Variants in PRKG1 observed in about 807,000 individuals in gnomAD.
PRKG1 encodes cGMP-dependent protein kinase 1.
Under a neutral mutation model 88.1 loss-of-function variants are expected in PRKG1, and 35 were observed. The observed-to-expected ratio is 0.40, with a 90% CI of 0.30 to 0.53. PRKG1 has a LOEUF of 0.53. PRKG1 is among the 20% of genes least tolerant of loss of function. PRKG1 has a pLI of 0.59. For missense variants in PRKG1, 540 were observed against 839.8 expected (o/e 0.64, Z 4.41); for synonymous variants, 303 against 292.5 (o/e 1.04, Z -0.37).
At chr10:51,106,420 A>C (rs1589156409) in intron 1 of PRKG1, among the ~76,000 whole-genome samples, 2 of 152,168 alleles carry the variant, frequency 1.3e-5, no homozygotes, top group Non-Finnish European at 2.9e-5. Context: ...CGTGAGGAAG[A>C]ATTCTTTTTT....
chr10:51,047,493 A>G (rs1843504897), intron 1 of PRKG1, among the ~76,000 whole-genome samples: 1 of 152,090 alleles, frequency 6.6e-6, no homozygotes, highest in African/African-American at 2.4e-5. Context: ...GAGAGATGGA[A>G]TGTTGATCCA....
At chr10:51,454,707 T>C (rs1239540281) in intron 2 of PRKG1, among the ~76,000 whole-genome samples, 3 of 152,170 alleles carry the variant, frequency 2.0e-5, no homozygotes, top group African/African-American at 7.2e-5. Flanking sequence ...AAACCCTTTA[T>C]CTAACCATAA....
chr10:51,314,488 C>T (rs1374090616), intron 2 of PRKG1, among the ~76,000 whole-genome samples: 2 of 152,174 alleles, frequency 1.3e-5, no homozygotes, highest in Admixed American at 6.5e-5. Context: ...AGCCACTTGT[C>T]ATTCACAGCT....
intron 2 of PRKG1, among the ~76,000 whole-genome samples, chr10:51,383,499 A>G (rs1454507990): frequency 6.6e-6 from 1 of 152,186 alleles, no homozygotes; most frequent in Non-Finnish European, 1.5e-5. Flanking sequence ...TATAATTACC[A>G]CTTTGCAGTT....
intron 4 of PRKG1, among the ~76,000 whole-genome samples, chr10:51,819,875 T>C (rs1839697677): frequency 6.6e-6 from 1 of 152,014 alleles, no homozygotes; most frequent in South Asian, 2.1e-4. Flanking sequence ...CCAGAAAAAG[T>C]CATAACTTGA....
At chr10:51,268,747 A>G (rs1370426317) in intron 2 of PRKG1, among the ~76,000 whole-genome samples, 1 of 152,220 alleles carries the variant, frequency 6.6e-6, no homozygotes, top group African/African-American at 2.4e-5. Context: ...GCTTACGAAA[A>G]TGACGGGATT....
chr10:52,040,243 C>T (rs1845723271), intron 5 of PRKG1, among the ~76,000 whole-genome samples: 1 of 152,216 alleles, frequency 6.6e-6, no homozygotes, highest in African/African-American at 2.4e-5. Context: ...GATCAACCTG[C>T]TCTTTTTCTT....
At chr10:52,234,015 C>T (rs1004749059) in intron 9 of PRKG1, among the ~76,000 whole-genome samples, 138 of 152,010 alleles carry the variant, frequency 9.1e-4, no homozygotes, top group African/African-American at 3.1e-3. Flanking sequence ...CCCTGACCCC[C>T]GAGCAGTCTA....
chr10:51,868,936 A>G (rs560408276), intron 4 of PRKG1, among the ~76,000 whole-genome samples: 17 of 152,270 alleles, frequency 1.1e-4, no homozygotes, highest in African/African-American at 3.4e-4. Flanking sequence ...ACACTGGATA[A>G]ATTTGTTTTC....
rs942810944 is a variant in PRKG1 at position 50,991,252 on chromosome 10, GAGT to G, written c.-125_-123del. 5.2e-6 allele frequency: 7 copies of G among 1,352,194 alleles called. No homozygotes were observed. The highest frequency in any genetic ancestry group is 5.9e-6 in the Non-Finnish European group (6 of 1,024,842). The allele number at this position is 1,352,194 out of a possible 1,614,324, so 83.8% of individuals were successfully genotyped here. On this transcript the variant is annotated 5_prime_UTR_variant, in exon 1 of 18. Coordinates refer to the PRKG1 transcript ENST00000401604. The surrounding 1 kb of genome is among the most constrained non-coding windows in gnomAD (Gnocchi z 4.5). ...ATTAGGGGCGCACTCCGCCGCGCTC[GAGT>G]ACTTAGCGCCCATTCACTCGCTCAC...
intron 1 of PRKG1, among the ~76,000 whole-genome samples, chr10:51,151,100 A>C (rs1308731712): frequency 6.7e-6 from 1 of 150,020 alleles, no homozygotes; most frequent in Admixed American, 6.7e-5. Flanking sequence ...ACAAGAAACT[A>C]TGAACCCATC....
intron 3 of PRKG1, among the ~76,000 whole-genome samples, chr10:51,565,534 G>C (rs1391373412): frequency 6.6e-6 from 1 of 152,136 alleles, no homozygotes; most frequent in Non-Finnish European, 1.5e-5. Context: ...TGGCCTGGGT[G>C]TAGAAGCCTG....
At chr10:51,578,093 G>C (rs949425313) in intron 3 of PRKG1, among the ~76,000 whole-genome samples, 2 of 152,038 alleles carry the variant, frequency 1.3e-5, no homozygotes, top group African/African-American at 4.8e-5. Flanking sequence ...TCTTCCTAGA[G>C]AGTTGATAAA....
At chr10:51,026,119 A>T (rs1416057675) in intron 1 of PRKG1, among the ~76,000 whole-genome samples, 3 of 152,284 alleles carry the variant, frequency 2.0e-5, no homozygotes, top group Admixed American at 1.3e-4. Context: ...AACCACCAGA[A>T]GCTAGGAGAG....
chr10:51,303,199 A>T (rs865849602), intron 2 of PRKG1, among the ~76,000 whole-genome samples: 15 of 152,278 alleles, frequency 9.9e-5, no homozygotes, highest in Non-Finnish European at 1.6e-4. Flanking sequence ...CAACATTAAA[A>T]TTTTAGGAAG....
intron 3 of PRKG1, among the ~76,000 whole-genome samples, chr10:51,563,028 C>T (rs1158967781): frequency 6.6e-6 from 1 of 152,128 alleles, no homozygotes; most frequent in East Asian, 1.9e-4. Context: ...GATCCTCCCA[C>T]CTTGGCCTCC....
At chr10:51,091,256 T>A (rs1844391620) in intron 1 of PRKG1, among the ~76,000 whole-genome samples, 1 of 152,200 alleles carries the variant, frequency 6.6e-6, no homozygotes, top group Non-Finnish European at 1.5e-5. Flanking sequence ...AAAACTTACC[T>A]ATTATACATG....
intron 3 of PRKG1, among the ~76,000 whole-genome samples, chr10:51,573,517 G>A (rs1348410840): frequency 6.6e-6 from 1 of 151,846 alleles, no homozygotes; most frequent in Non-Finnish European, 1.5e-5. Flanking sequence ...TTTTTCATCA[G>A]TGAATTCAAG....
Position 52,249,530 on chromosome 10 carries a change from C to G in PRKG1, c.1077-2040C>G, listed in dbSNP as rs1249102790. 3.3e-5 allele frequency among the ~76,000 whole-genome samples: 5 copies of G among 152,252 alleles called. No homozygotes were observed. In the East Asian group the frequency reaches 9.7e-4, roughly 30 times the overall value. ...GCAACAAAAGGCTAGAATCCCTCCACTAATCTATGTGTACTTCCAGCCTAA... is the reference window on the plus strand; with the variant it reads ...GCAACAAAAGGCTAGAATCCCTCCAGTAATCTATGTGTACTTCCAGCCTAA... On this transcript the variant is annotated intron_variant, in intron 9 of 17. Transcript: ENST00000373980.
Sources: allele counts gnomAD v4.1 joint callset (sites outside exome capture counted in the v4.1 genomes callset), GRCh38; gene constraint gnomAD v4.1.1; non-coding constraint Gnocchi (gnomAD v3.1); transcripts MANE v1.5; gene names NCBI Gene and HGNC (gene_info 2026-07-23, HGNC 2026-07-21).